The following ANKRD36C variants were observed in gnomAD, a reference collection of about 807,000 sequenced individuals.
ANKRD36C encodes the protein ankyrin repeat domain 36C.
Under a neutral mutation model 276.4 loss-of-function variants are expected in ANKRD36C, and 61 were observed. That is an observed-to-expected ratio of 0.22 (90% CI 0.18 to 0.27). The LOEUF (loss-of-function observed/expected upper bound fraction) is 0.27, where lower values mean the gene tolerates loss of function less well. ANKRD36C is among the 10% of genes least tolerant of loss of function. ANKRD36C has a pLI of 1.00. For missense variants in ANKRD36C, 1,447 were observed against 2,032.3 expected, an observed-to-expected ratio of 0.71 and a Z score of 5.54; for synonymous variants, 483 against 680.1, an observed-to-expected ratio of 0.71 and a Z score of 4.51.
intron 6 of ANKRD36C, among the ~76,000 whole-genome samples, chr2:95,970,496 A>G (rs1678675531): frequency 6.6e-6 from 1 of 152,160 alleles, no homozygotes; most frequent in African/African-American, 2.4e-5. Context: ...TAAAATATAT[A>G]TAAAGGAACC....
At chr2:95,953,708 A>AT (rs1180563957) in intron 14 of ANKRD36C, among the ~76,000 whole-genome samples, 4 of 150,790 alleles carry the variant, frequency 2.7e-5, no homozygotes, top group Admixed American at 6.6e-5. Flanking sequence ...TTTCCCAGCA[A>AT]TTTTTTTTTC....
rs1439889159 is a variant in ANKRD36C at position 95,918,056 on chromosome 2, G to A, written c.2246-14C>T. 1 of 1,599,148 alleles carries A rather than the reference G, an allele frequency of 6.3e-7. No homozygotes were observed. The highest frequency in any genetic ancestry group is 8.5e-7 in the Non-Finnish European group (1 of 1,174,814). On this transcript the variant is annotated splice_polypyrimidine_tract_variant and intron_variant, in intron 34 of 66. Transcript: ENST00000456556. ...TCTGAGAAGACACTGAAAAGCAAAA[G>A]GGATACATAATCACTCATGTGTAAA...
At chr2:95,866,949 T>C (rs1041990034) in intron 60 of ANKRD36C, among the ~76,000 whole-genome samples, 2 of 152,182 alleles carry the variant, frequency 1.3e-5, no homozygotes, top group Non-Finnish European at 2.9e-5. Context: ...GAGAAGGGTA[T>C]GCAGTGATGC....
chr2:95,969,207 G>A (rs1678652047), intron 6 of ANKRD36C, among the ~76,000 whole-genome samples: 1 of 152,174 alleles, frequency 6.6e-6, no homozygotes, highest in Admixed American at 6.5e-5. Context: ...TGATCACTCT[G>A]ATGATGAGCC....
At chr2:95,946,588 G>A (rs1438406184) in intron 17 of ANKRD36C, among the ~76,000 whole-genome samples, 6 of 145,188 alleles carry the variant, frequency 4.1e-5, no homozygotes, top group Non-Finnish European at 6.0e-5. Context: ...AAATCATGCT[G>A]CTATAAAGAC....
At chr2:95,850,788 G>A (rs1484358833), downstream of ANKRD36C, among the ~76,000 whole-genome samples, 2 of 152,210 alleles carry the variant, frequency 1.3e-5, no homozygotes, top group Non-Finnish European at 2.9e-5. Context: ...ATTATCACGA[G>A]TGTGGGGTCT....
intron 46 of ANKRD36C, among the ~76,000 whole-genome samples, 170 bp from the exon 67 acceptor site, chr2:95,890,164 A>G (rs1327706835): frequency 1.3e-5 from 2 of 151,552 alleles, no homozygotes; most frequent in Admixed American, 6.6e-5. Flanking sequence ...CACTGAAAAA[A>G]GGGAATACAG....
intron 60 of ANKRD36C, among the ~76,000 whole-genome samples, chr2:95,862,909 T>C (rs4352265): frequency 0.98 from 149,443 of 151,824 alleles, 73,563 homozygotes; most frequent in East Asian, 1. Flanking sequence ...TGTTCCCTAA[T>C]CATACACCAA....
exon 61 of ANKRD36C, chr2:95,860,011 T>C: frequency 6.5e-7 from 1 of 1,547,678 alleles, no homozygotes; most frequent in Non-Finnish European, 8.7e-7. Context: ...GTGATTATCT[T>C]TAAGTTCTGT....
At chr2:95,918,071 T>A in intron 34 of ANKRD36C, 29 bp from the exon 37 acceptor site, 1 of 1,596,224 alleles carries the variant, frequency 6.3e-7, no homozygotes, top group Non-Finnish European at 8.5e-7. Flanking sequence ...ACATAATCAC[T>A]CATGTGTAAA....
chr2:95,973,272 C>T (rs577746732), intron 6 of ANKRD36C, among the ~76,000 whole-genome samples: 5 of 151,776 alleles, frequency 3.3e-5, no homozygotes, highest in African/African-American at 4.8e-5. Flanking sequence ...ATTAGCTGGG[C>T]GTGGTGGTGC....
intron 28 of ANKRD36C, 108 bp downstream of exon 28, chr2:95,927,106 G>A: frequency 4.1e-6 from 6 of 1,480,274 alleles, no homozygotes; most frequent in Non-Finnish European, 5.5e-6. Flanking sequence ...CAGGCCTGCT[G>A]AATCAGAATG....
At position 95,914,156 on chromosome 2, in the gene ANKRD36C, C is replaced by G. The variant is rs766877001; in HGVS notation, c.2503G>C (p.Val835Leu). ...TCTTTTCCTCTGGCTATATTCAAAACAGAATCTTCCTCGTCACTTGTAGCC... is the reference window on the plus strand; with the variant it reads ...TCTTTTCCTCTGGCTATATTCAAAAGAGAATCTTCCTCGTCACTTGTAGCC... The change falls in exon 40 of 67, where the codon GTT becomes CTT. Residue 835 changes from valine (V) to leucine (L), a missense_variant. This residue lies in a region of ANKRD36C where 565 missense variants were observed against 539.5 expected (regional missense o/e 1.05). Transcript: ENST00000456556. 3.2e-5 allele frequency: 51 copies of G among 1,584,092 alleles called. No individual in the cohort carries two copies. The African/African-American group carries it at 3.5e-4, about 11-fold the overall frequency.
intron 59 of ANKRD36C, among the ~76,000 whole-genome samples, chr2:95,873,853 C>A (rs937261288): frequency 3.3e-5 from 5 of 152,196 alleles, no homozygotes; most frequent in African/African-American, 4.8e-5. Context: ...AATCAATGTA[C>A]AAAAATCATA....
At chr2:95,917,544 A>G (rs992666868) in intron 36 of ANKRD36C, among the ~76,000 whole-genome samples, 16 of 151,562 alleles carry the variant, frequency 1.1e-4, no homozygotes, top group Non-Finnish European at 2.4e-4. Flanking sequence ...CCCTTAGTGA[A>G]ACCATGCTGT....
intron 26 of ANKRD36C, among the ~76,000 whole-genome samples, chr2:95,928,331 A>G (rs1444588354): frequency 6.6e-6 from 1 of 151,592 alleles, no homozygotes; most frequent in Non-Finnish European, 1.5e-5. Context: ...AAGGAAGCCA[A>G]TGTATTCATA....
chr2:95,895,094 C>T (rs62153685), intron 44 of ANKRD36C, among the ~76,000 whole-genome samples: 33,234 of 142,476 alleles, frequency 0.23, 17 homozygotes, highest in East Asian at 0.36. Context: ...TCTCCTTACA[C>T]CCTTAATGAA....
intron 52 of ANKRD36C, among the ~76,000 whole-genome samples, chr2:95,884,983 T>G (rs1030293727): frequency 2.6e-5 from 4 of 152,070 alleles, no homozygotes; most frequent in Admixed American, 6.6e-5. Flanking sequence ...AAGTTTCTTG[T>G]ATCCACTCGT....
exon 2 of ANKRD36C, chr2:95,987,130 T>C: frequency 6.4e-7 from 1 of 1,550,946 alleles, no homozygotes; most frequent in Non-Finnish European, 8.7e-7. Context: ...TCGCAGAGGT[T>C]AAGCTCACAT....
Sources: allele counts gnomAD v4.1 joint callset (sites outside exome capture counted in the v4.1 genomes callset), GRCh38; gene constraint gnomAD v4.1.1; regional missense constraint gnomAD v4.1.1; transcripts MANE v1.5; gene names NCBI Gene and HGNC (gene_info 2026-07-23, HGNC 2026-07-21).